The following MKLN1 variants were observed in gnomAD, a reference collection of about 807,000 sequenced individuals.
MKLN1 encodes muskelin.
In MKLN1, 18 loss-of-function variants were observed where a neutral mutation model predicts 99.0. The ratio of observed to expected loss-of-function variants is 0.18; its 90% CI spans 0.13 to 0.27. MKLN1 has a LOEUF of 0.27. Ranked by LOEUF, MKLN1 falls within the 10% of genes least tolerant of loss-of-function variation. The probability of loss-of-function intolerance (pLI) is 1.00; values close to 1 mark genes in which losing one functional copy is unlikely to be tolerated. For synonymous variants in MKLN1, 288 were observed against 293.2 expected (o/e 0.98, Z 0.18); for missense variants, 621 against 875.9 (o/e 0.71, Z 3.67).
intron 5 of MKLN1, among the ~76,000 whole-genome samples, chr7:131,397,776 A>G (rs886949130): frequency 1.3e-5 from 2 of 152,184 alleles, no homozygotes; most frequent in African/African-American, 4.8e-5. Context: ...TAAATACTTA[A>G]AACATAGTTT....
chr7:131,125,122 A>G (rs1218148521), intron 1 of MKLN1, among the ~76,000 whole-genome samples: 2 of 152,190 alleles, frequency 1.3e-5, no homozygotes, highest in Admixed American at 1.3e-4. Context: ...AACATCAGTA[A>G]TGCTTTCCCA....
chr7:131,414,649 TG>T lies in MKLN1; in HGVS notation c.790del (p.Glu264LysfsTer7). The stretch of plus-strand genomic sequence containing the variant: ...AAACTATTATTTCTTCTAAAGGTGA[TG>T]GGGAAGATAACCGTCCAGGAATGAG... The part of the protein sequence containing the change: ...QIIPKSTKGD[G>X]EDNRPGMRGG... On this transcript the variant is annotated frameshift_variant, in exon 8 of 18. Transcript: ENST00000352689. LOFTEE classifies it high-confidence loss of function. 1 of 1,603,636 alleles carries T rather than the reference TG, an allele frequency of 6.2e-7. No homozygotes were observed.
chr7:131,219,127 G>A (rs1417245107), intron 3 of MKLN1, among the ~76,000 whole-genome samples: 2 of 151,940 alleles, frequency 1.3e-5, no homozygotes, highest in African/African-American at 4.8e-5. Context: ...GGAGATTGAT[G>A]GTCCAACAAT....
intron 3 of MKLN1, among the ~76,000 whole-genome samples, chr7:131,212,335 T>C (rs1353553258): frequency 2.0e-5 from 3 of 152,118 alleles, no homozygotes; most frequent in Non-Finnish European, 4.4e-5. Context: ...TACCAATCAC[T>C]CACACAGCAG....
intron 17 of MKLN1, among the ~76,000 whole-genome samples, chr7:131,481,545 T>A (rs1041734025): frequency 1.3e-5 from 2 of 152,110 alleles, no homozygotes; most frequent in African/African-American, 2.4e-5. Flanking sequence ...TCTATTTTTT[T>A]AAAAAAGTCA....
At position 131,161,959 on chromosome 7, in the gene MKLN1, GTGTGTATATATATATATATA is replaced by G. The variant is rs1462359864; in HGVS notation, c.-297+19020_-297+19039del. On this transcript the variant is annotated intron_variant, in intron 2 of 7. Coordinates refer to the MKLN1 transcript ENST00000416992. ...TATACACATATATATACGTGTGTGT[GTGTGTATATATATATATATA>G]TATATATATATATATATATATGTAA... 4.2e-3 allele frequency among the ~76,000 whole-genome samples: 282 copies of G among 67,832 alleles called. 3 individuals carry two copies. Among genetic ancestry groups the G allele is most frequent in the African/African-American group, 0.014 (270 of 19,636 alleles). The allele number at this position is 67,832 out of a possible 152,430, so 44.5% of individuals were successfully genotyped here.
intron 8 of MKLN1, among the ~76,000 whole-genome samples, chr7:131,427,231 T>TA (rs1309749485): frequency 6.6e-6 from 1 of 152,176 alleles, no homozygotes; most frequent in Non-Finnish European, 1.5e-5. Flanking sequence ...AAAATTTACT[T>TA]AGAGTTTGAA....
At chr7:131,185,792 C>T (rs141321661) in intron 2 of MKLN1, among the ~76,000 whole-genome samples, 484 of 152,254 alleles carry the variant, frequency 3.2e-3, no homozygotes, top group Non-Finnish European at 5.7e-3. Flanking sequence ...CCAGCTACCC[C>T]ATAAAGTTGT....
At chr7:131,232,960 T>C (rs1361790267) in intron 3 of MKLN1, among the ~76,000 whole-genome samples, 4 of 152,156 alleles carry the variant, frequency 2.6e-5, no homozygotes, top group African/African-American at 9.7e-5. Flanking sequence ...AAGCGGGGAC[T>C]CAGCAAATAA....
At chr7:131,427,355 T>A (rs1366739871) in intron 8 of MKLN1, among the ~76,000 whole-genome samples, 1 of 152,196 alleles carries the variant, frequency 6.6e-6, no homozygotes, top group East Asian at 1.9e-4. Context: ...ATTGTAACCC[T>A]GCATGGTGGG....
At chr7:131,248,469 C>T (rs747451952) in intron 3 of MKLN1, among the ~76,000 whole-genome samples, 1 of 152,098 alleles carries the variant, frequency 6.6e-6, no homozygotes, top group African/African-American at 2.4e-5. Flanking sequence ...ATATTATTGA[C>T]TCTCATCCAT....
chr7:131,231,937 T>G (rs1797249865), intron 3 of MKLN1, among the ~76,000 whole-genome samples: 1 of 152,226 alleles, frequency 6.6e-6, no homozygotes, highest in Admixed American at 6.5e-5. Flanking sequence ...AGCCAAATAT[T>G]ATTACAATAT....
intron 17 of MKLN1, among the ~76,000 whole-genome samples, chr7:131,486,540 A>G (rs1456561125): frequency 6.6e-6 from 1 of 152,120 alleles, no homozygotes; most frequent in Non-Finnish European, 1.5e-5. Context: ...TTACAAGACT[A>G]AAACAGGTTG....
chr7:131,380,845 A>G (rs1001884327), intron 2 of MKLN1, among the ~76,000 whole-genome samples: 3 of 152,196 alleles, frequency 2.0e-5, no homozygotes, highest in Non-Finnish European at 4.4e-5. Flanking sequence ...AACTATGGCA[A>G]GTATTTTGGT....
chr7:131,309,721 A>ATTTTTTTTTTTTTTTT (rs59130761), intron 3 of MKLN1: 1 of 87,520 alleles, frequency 1.1e-5, no homozygotes, highest in Non-Finnish European at 2.1e-5. Flanking sequence ...CCACAAGTGG[A>ATTTTTTTTTTTTTTTT]TTTTTTTTTT....
intron 10 of MKLN1, among the ~76,000 whole-genome samples, chr7:131,442,995 G>A: frequency 6.6e-6 from 1 of 152,146 alleles, no homozygotes; most frequent in East Asian, 1.9e-4. Flanking sequence ...TTGTTTTACT[G>A]TTTTGTAACA....
At chr7:131,172,707 C>T (rs1045996512) in intron 2 of MKLN1, among the ~76,000 whole-genome samples, 12 of 152,282 alleles carry the variant, frequency 7.9e-5, no homozygotes, top group African/African-American at 2.2e-4. Flanking sequence ...TGAAAAGCCA[C>T]GGAACTGTCT....
At chr7:131,232,310 C>T (rs2116476937) in intron 3 of MKLN1, among the ~76,000 whole-genome samples, 1 of 152,268 alleles carries the variant, frequency 6.6e-6, no homozygotes, top group South Asian at 2.1e-4. Flanking sequence ...TAAGTTTTTT[C>T]ATTTCAGTTC....
intron 2 of MKLN1, among the ~76,000 whole-genome samples, chr7:131,161,977 A>G (rs1303520359): frequency 1.6e-3 from 148 of 90,144 alleles, no homozygotes; most frequent in East Asian, 0.012. Flanking sequence ...ATATATATAT[A>G]TATATATATA....
Sources: allele counts gnomAD v4.1 joint callset (sites outside exome capture counted in the v4.1 genomes callset), GRCh38; gene constraint gnomAD v4.1.1; transcripts MANE v1.5; gene names NCBI Gene and HGNC (gene_info 2026-07-23, HGNC 2026-07-21).